LRMDA: variants seen among roughly 807,000 people sequenced by gnomAD.
LRMDA encodes leucine rich melanocyte differentiation associated.
In LRMDA, 18 loss-of-function variants were observed where a neutral mutation model predicts 29.8. The ratio of observed to expected loss-of-function variants is 0.60; its 90% CI spans 0.42 to 0.90. The LOEUF is 0.90. Ranked by LOEUF, LRMDA falls within the 40% of genes least tolerant of loss-of-function variation. LRMDA has a pLI of 0.00. For synonymous variants in LRMDA, 125 were observed against 109.4 expected (o/e 1.14, Z -0.89); for missense variants, 273 against 273.9 (o/e 1.00, Z 0.02).
chr10:76,161,400 C>G (rs976162007), intron 5 of LRMDA, among the ~76,000 whole-genome samples: 1 of 152,136 alleles, frequency 6.6e-6, no homozygotes, highest in East Asian at 1.9e-4. Context: ...GAGCCGAGAT[C>G]CGAATGTGAG....
At chr10:76,323,937 C>T (rs1207982184) in intron 5 of LRMDA, among the ~76,000 whole-genome samples, 3 of 152,190 alleles carry the variant, frequency 2.0e-5, no homozygotes, top group Admixed American at 1.3e-4. Context: ...CTTCATTCTG[C>T]CAAGTCTTTC....
intron 2 of LRMDA, among the ~76,000 whole-genome samples, chr10:75,894,638 G>T (rs1016981665): frequency 2.0e-5 from 3 of 152,106 alleles, no homozygotes; most frequent in African/African-American, 7.2e-5. Context: ...TTGGTGTGTG[G>T]GTGCATGTAT....
At chr10:75,903,532 G>A (rs750398017) in intron 2 of LRMDA, among the ~76,000 whole-genome samples, 1 of 152,224 alleles carries the variant, frequency 6.6e-6, no homozygotes, top group African/African-American at 2.4e-5. Flanking sequence ...TAGGGCTAAA[G>A]CCATTCCCCG....
At chr10:76,299,374 C>T (rs1840451780) in intron 5 of LRMDA, among the ~76,000 whole-genome samples, 1 of 152,068 alleles carries the variant, frequency 6.6e-6, no homozygotes, top group African/African-American at 2.4e-5. Context: ...GAGACTATGC[C>T]ATTTTACTTT....
At chr10:75,447,702 C>T (rs915828171) in intron 2 of LRMDA, among the ~76,000 whole-genome samples, 6 of 152,124 alleles carry the variant, frequency 3.9e-5, no homozygotes, top group Non-Finnish European at 8.8e-5. Context: ...TGAAACCAGC[C>T]TGGGGAACAT....
intron 2 of LRMDA, among the ~76,000 whole-genome samples, chr10:76,035,570 A>C (rs2132506292): frequency 6.6e-6 from 1 of 152,336 alleles, no homozygotes; most frequent in Non-Finnish European, 1.5e-5. Flanking sequence ...AGAGGGTATG[A>C]TATTTCTGGG....
chr10:76,110,429 C>A (rs1029262415), intron 5 of LRMDA, among the ~76,000 whole-genome samples: 1 of 152,228 alleles, frequency 6.6e-6, no homozygotes, highest in African/African-American at 2.4e-5. Context: ...TTGAACAGAT[C>A]TTTGCAAAAT....
intron 6 of LRMDA, among the ~76,000 whole-genome samples, chr10:76,386,044 G>A (rs1271716646): frequency 6.6e-6 from 1 of 152,064 alleles, no homozygotes; most frequent in Non-Finnish European, 1.5e-5. Context: ...CACTTGATTA[G>A]AACTCTAAAA....
chr10:76,409,586 T>C (rs947488094), intron 6 of LRMDA, among the ~76,000 whole-genome samples: 6 of 152,208 alleles, frequency 3.9e-5, no homozygotes, highest in Admixed American at 2.0e-4. Flanking sequence ...TACATTTTGA[T>C]ATGTAGTTGT....
intron 2 of LRMDA, among the ~76,000 whole-genome samples, chr10:75,655,569 G>A (rs1032702248): frequency 9.9e-5 from 15 of 152,224 alleles, no homozygotes; most frequent in Non-Finnish European, 1.8e-4. Flanking sequence ...GGGAGAGTCA[G>A]TTTTTGGGTG....
chr10:76,340,515 C>CAAAAA lies in LRMDA; in HGVS notation c.601+16048_601+16052dup, dbSNP rs1174024731. 9.8e-3 allele frequency among the ~76,000 whole-genome samples: 744 copies of CAAAAA among 75,540 alleles called. 47 individuals are homozygous for CAAAAA. Among genetic ancestry groups the CAAAAA allele is most frequent in the African/African-American group, 0.02 (350 of 17,872 alleles). 49.6% of individuals were successfully genotyped at this position (75,540 alleles called of 152,430 possible). A position where few individuals can be genotyped will look rare whatever the true frequency, so the allele number is the denominator to read the frequency against. ...TAGGTGACAGAGTGAGAACCTGTAT[C>CAAAAA]AAAAAAAAAAAAAAAAAAAAAAGAG... is the stretch of plus-strand genomic sequence containing the variant. On this transcript the variant is annotated intron_variant, in intron 6 of 6. Coordinates refer to ENST00000611255, the MANE Select transcript of LRMDA (RefSeq NM_001305581.2).
chr10:75,915,626 G>A (rs903625847), intron 2 of LRMDA, among the ~76,000 whole-genome samples: 2 of 152,122 alleles, frequency 1.3e-5, no homozygotes, highest in African/African-American at 4.8e-5. Flanking sequence ...TTTGTAGGAC[G>A]ACCTAGGCTT....
intron 2 of LRMDA, among the ~76,000 whole-genome samples, chr10:75,950,922 A>G (rs1034910595): frequency 6.6e-6 from 1 of 152,192 alleles, no homozygotes; most frequent in African/African-American, 2.4e-5. Flanking sequence ...CTGCGCACAC[A>G]TCAGTGGTTA....
Position 76,363,563 on chromosome 10 carries a change from G to A in LRMDA, c.601+39078G>A, listed in dbSNP as rs527926180. Among the ~76,000 whole-genome samples the A allele has an allele frequency of 1.6e-4, 25 of 152,232 alleles. No homozygotes were observed. The South Asian group carries it at 4.8e-3, about 29-fold the overall frequency. On this transcript the variant is annotated intron_variant, in intron 6 of 6. Transcript: ENST00000611255. ...CCAGTTTAACTGGAGCATAGGATGA[G>A]TGAGGGGTAGTGTGGTATGTAAAAT...
At chr10:76,059,885 G>T (rs1224587833) in intron 5 of LRMDA, among the ~76,000 whole-genome samples, 5 of 152,102 alleles carry the variant, frequency 3.3e-5, no homozygotes, top group Admixed American at 6.5e-5. Context: ...GATATGGAGG[G>T]TATATTACTG....
intron 6 of LRMDA, among the ~76,000 whole-genome samples, chr10:76,353,732 G>C (rs1160910073): frequency 6.6e-6 from 1 of 152,110 alleles, no homozygotes; most frequent in Admixed American, 6.6e-5. Flanking sequence ...TCCTGCTCCA[G>C]ATGAAAGCTC....
intron 2 of LRMDA, among the ~76,000 whole-genome samples, chr10:75,638,827 T>C (rs1469507896): frequency 2.0e-5 from 3 of 152,272 alleles, no homozygotes; most frequent in East Asian, 1.9e-4. Flanking sequence ...TTGTGTTTTT[T>C]CCCCCCTAAA....
At chr10:76,156,825 G>A (rs1410072082) in intron 5 of LRMDA, among the ~76,000 whole-genome samples, 2 of 152,212 alleles carry the variant, frequency 1.3e-5, no homozygotes, top group East Asian at 3.9e-4. Flanking sequence ...GGTAAGATCA[G>A]ATTTCTTCCA....
intron 2 of LRMDA, among the ~76,000 whole-genome samples, chr10:75,904,942 G>A (rs1168707941): frequency 6.6e-6 from 1 of 152,112 alleles, no homozygotes; most frequent in African/African-American, 2.4e-5. Flanking sequence ...TTGATAACTT[G>A]AGACAAGGTT....
Sources: allele counts gnomAD v4.1 joint callset (sites outside exome capture counted in the v4.1 genomes callset), GRCh38; gene constraint gnomAD v4.1.1; transcripts MANE v1.5; gene names NCBI Gene and HGNC (gene_info 2026-07-23, HGNC 2026-07-21).